PDE4D: variants seen among roughly 807,000 people sequenced by gnomAD.
The protein encoded by PDE4D is 3',5'-cyclic-AMP phosphodiesterase 4D.
Under a neutral mutation model 87.4 loss-of-function variants are expected in PDE4D, and 24 were observed. The observed-to-expected ratio is 0.27, with a 90% CI of 0.20 to 0.39. PDE4D has a LOEUF of 0.39. Ranked by LOEUF, PDE4D falls within the 10% of genes least tolerant of loss-of-function variation. The pLI is 1.00. For missense variants in PDE4D, 714 were observed against 1,041.0 expected (o/e 0.69, Z 4.32); for synonymous variants, 384 against 383.2 (o/e 1.00, Z -0.02).
chr5:59,880,348 A>G (rs1329545146), intron 1 of PDE4D, among the ~76,000 whole-genome samples: 2 of 152,062 alleles, frequency 1.3e-5, no homozygotes, highest in African/African-American at 4.8e-5. Flanking sequence ...GAGCTCAAGT[A>G]ATAATCCCGC....
chr5:60,426,940 C>A (rs2150103875), intron 1 of PDE4D, among the ~76,000 whole-genome samples: 1 of 151,948 alleles, frequency 6.6e-6, no homozygotes, highest in East Asian at 1.9e-4. Flanking sequence ...GTGGACAGGT[C>A]TGAATAGCTG....
intron 2 of PDE4D, among the ~76,000 whole-genome samples, chr5:60,146,069 C>G (rs1481996160): frequency 6.6e-6 from 1 of 152,124 alleles, no homozygotes; most frequent in East Asian, 1.9e-4. Flanking sequence ...AAAAAATTAG[C>G]CAGGTGTGGT....
chr5:59,914,116 T>C (rs1296700974), intron 3 of PDE4D, among the ~76,000 whole-genome samples: 4 of 152,198 alleles, frequency 2.6e-5, no homozygotes, highest in African/African-American at 9.7e-5. Flanking sequence ...ATATTTCATA[T>C]AACTTATTTA....
At chr5:59,500,346 G>A (rs1808070279) in intron 1 of PDE4D, among the ~76,000 whole-genome samples, 1 of 152,110 alleles carries the variant, frequency 6.6e-6, no homozygotes, top group South Asian at 2.1e-4. Flanking sequence ...CAATGACATG[G>A]AATCAACCCA....
intron 1 of PDE4D, among the ~76,000 whole-genome samples, chr5:59,506,558 TGAAGA>T (rs1809300675): frequency 6.6e-6 from 1 of 152,130 alleles, no homozygotes; most frequent in Non-Finnish European, 1.5e-5. Context: ...AATAAAAATT[TGAAGA>T]GAAGAAGGAA....
At chr5:59,715,067 T>C (rs1190311978) in intron 1 of PDE4D, among the ~76,000 whole-genome samples, 4 of 152,262 alleles carry the variant, frequency 2.6e-5, no homozygotes, top group Non-Finnish European at 5.9e-5. Context: ...GAGAAGCAGT[T>C]AGTAACTGCA....
chr5:58,977,102 C>A (rs1744008239), intron 12 of PDE4D, 89 bp downstream of exon 12: 1 of 1,223,916 alleles, frequency 8.2e-7, no homozygotes, highest in Admixed American at 2.3e-5. Flanking sequence ...AATGCAGTTC[C>A]TTTTACCTAA....
intron 1 of PDE4D, among the ~76,000 whole-genome samples, chr5:59,701,426 G>A (rs1184539204): frequency 6.6e-6 from 1 of 152,172 alleles, no homozygotes; most frequent in African/African-American, 2.4e-5. Flanking sequence ...TTATGTTAGT[G>A]TCTTCAGTAT....
In PDE4D at chr5:59,448,297, A is replaced by C. The variant is rs866479427; in HGVS notation, c.456-232329T>G. On this transcript the variant is annotated intron_variant, in intron 1 of 14. Transcript: ENST00000340635. ...CATGCCCCAATATTCCCTCAACCACACTGATGAGGAGATTTTGCCTATTTC... is the reference window on the plus strand; with the variant it reads ...CATGCCCCAATATTCCCTCAACCACCCTGATGAGGAGATTTTGCCTATTTC... 6.6e-5 allele frequency among the ~76,000 whole-genome samples: 10 copies of C among 152,114 alleles called. 1 individual carries two copies. Among genetic ancestry groups the C allele is most frequent in the Admixed American group, 2.0e-4 (3 of 15,276 alleles).
intron 1 of PDE4D, among the ~76,000 whole-genome samples, chr5:59,236,858 AAAGG>A (rs1444840573): frequency 6.6e-6 from 1 of 152,120 alleles, no homozygotes; most frequent in Non-Finnish European, 1.5e-5. Flanking sequence ...TGAAGGAAGA[AAAGG>A]AAGGAAAAAG....
intron 1 of PDE4D, among the ~76,000 whole-genome samples, chr5:59,536,848 C>T (rs1815362609): frequency 6.6e-6 from 1 of 152,134 alleles, no homozygotes; most frequent in Admixed American, 6.5e-5. Flanking sequence ...TTTACCACCA[C>T]AAATTTGGTA....
intron 1 of PDE4D, among the ~76,000 whole-genome samples, chr5:59,462,766 A>T (rs919198133): frequency 6.6e-5 from 10 of 152,200 alleles, no homozygotes; most frequent in Non-Finnish European, 1.3e-4. Context: ...ATTTAACAGT[A>T]GAATGAACTG....
intron 1 of PDE4D, among the ~76,000 whole-genome samples, chr5:60,247,322 G>C (rs941425628): frequency 1.3e-5 from 2 of 151,878 alleles, no homozygotes; most frequent in African/African-American, 4.8e-5. Context: ...TTCAAGATTA[G>C]ACATGCAGTA....
At chr5:59,081,251 A>G (rs184513178) in intron 5 of PDE4D, among the ~76,000 whole-genome samples, 161 of 152,292 alleles carry the variant, frequency 1.1e-3, no homozygotes, top group Non-Finnish European at 1.9e-3. Context: ...GCAATATTTT[A>G]TGAGAACTAC....
chr5:60,357,902 C>A (rs1382080100), intron 1 of PDE4D, among the ~76,000 whole-genome samples: 1 of 152,178 alleles, frequency 6.6e-6, no homozygotes, highest in Admixed American at 6.5e-5. Flanking sequence ...TCTCCACTTA[C>A]CACATATATG....
intron 1 of PDE4D, among the ~76,000 whole-genome samples, chr5:59,551,086 T>C (rs1449501141): frequency 2.0e-5 from 3 of 152,112 alleles, no homozygotes; most frequent in Admixed American, 2.0e-4. Flanking sequence ...CTTTACGTTT[T>C]CTTTATGGTG....
intron 1 of PDE4D, among the ~76,000 whole-genome samples, chr5:59,721,564 G>T (rs972325608): frequency 6.6e-6 from 1 of 152,016 alleles, no homozygotes; most frequent in Non-Finnish European, 1.5e-5. Flanking sequence ...GGAAAATTGG[G>T]GCTTAATCAT....
chr5:59,589,909 T>C (rs112403455), intron 1 of PDE4D, among the ~76,000 whole-genome samples: 226 of 152,232 alleles, frequency 1.5e-3, no homozygotes, highest in African/African-American at 5.3e-3. Flanking sequence ...CTGTCTAGAA[T>C]AAAGTCTAAC....
At chr5:60,317,189 T>C (rs1755696857) in intron 1 of PDE4D, among the ~76,000 whole-genome samples, 1 of 152,224 alleles carries the variant, frequency 6.6e-6, no homozygotes, top group African/African-American at 2.4e-5. Flanking sequence ...TATTCAGAGA[T>C]TCAACTTCTT....
Sources: gnomAD v4.1 joint callset for allele counts (sites outside exome capture counted in the v4.1 genomes callset) on GRCh38, gnomAD v4.1.1 for gene constraint, MANE v1.5 for transcripts, NCBI Gene and HGNC (gene_info 2026-07-23, HGNC 2026-07-21) for gene names.